The following ZNF396 variants were observed in gnomAD, a reference collection of about 807,000 sequenced individuals.
The protein encoded by ZNF396 is zinc finger protein 396, also known as zinc finger and SCAN domain-containing protein 14.
Under a neutral mutation model 20.5 loss-of-function variants are expected in ZNF396, and 14 were observed. The ratio of observed to expected loss-of-function variants is 0.68; its 90% CI spans 0.45 to 1.07. ZNF396 has a LOEUF of 1.07. ZNF396 is among the 50% of genes least tolerant of loss of function. The pLI is 0.00. For missense variants in ZNF396, 347 were observed against 390.1 expected, an observed-to-expected ratio of 0.89 and a Z score of 0.93; for synonymous variants, 119 against 140.6, an observed-to-expected ratio of 0.85 and a Z score of 1.08.
chr18:35,368,397 A>C lies in ZNF396; in HGVS notation c.*818T>G, dbSNP rs1177838003. 2.7e-6 allele frequency: 4 copies of C among 1,461,466 alleles called. No individual in the cohort carries two copies. The highest frequency in any genetic ancestry group is 3.6e-6 in the Non-Finnish European group (4 of 1,099,594). The allele number at this position is 1,461,466 out of a possible 1,614,324, so 90.5% of individuals were successfully genotyped here. Reference sequence around the variant, plus strand: ...CCTGGGGCACTTCAGCCTAGTCTTGAAGTACATATTCTTTTGGGCCTCTGC... The same window carrying C: ...CCTGGGGCACTTCAGCCTAGTCTTGCAGTACATATTCTTTTGGGCCTCTGC... On this transcript the variant is annotated 3_prime_UTR_variant, in exon 4 of 4. Coordinates refer to ENST00000589332, the MANE Select transcript of ZNF396 (RefSeq NM_001322286.2).
chr18:35,368,352 T>C lies in ZNF396; in HGVS notation c.*863A>G. ...GCTTTCATAAGATAAGGCCTTTATT[T>C]ATCTGCCTCCTGAAAGTGACCTGGG... is the stretch of plus-strand genomic sequence containing the variant. On this transcript the variant is annotated 3_prime_UTR_variant, in exon 4 of 4. Transcript: ENST00000589332. 1.4e-6 allele frequency: 2 copies of C among 1,439,744 alleles called. No individual in the cohort carries two copies. Among genetic ancestry groups the C allele is most frequent in the Non-Finnish European group, 1.8e-6 (2 of 1,091,550 alleles). 89.2% of individuals were successfully genotyped at this position (1,439,744 alleles called of 1,614,324 possible). A position where few individuals can be genotyped will look rare whatever the true frequency, so the allele number is the denominator to read the frequency against.
chr18:35,369,367 T>C lies in ZNF396; in HGVS notation c.856A>G (p.Lys286Glu), dbSNP rs1256219929. The change falls in exon 4 of 4, where the codon AAG becomes GAG. Residue 286 changes from lysine (K) to glutamate (E), a missense_variant. Physicochemically the swap from Lys to Glu is moderately conservative, Grantham distance 56 (BLOSUM62 1). Transcript: ENST00000589332. ...AGAATTGCGCTTCGGCTGAATGCCT[T>C]TGCACACTCGTCACATGCATAAGGT... ...KKPYACDECAKAFSRSAILIQ... is the reference protein window; with the variant it reads ...KKPYACDECAEAFSRSAILIQ... The C allele has an allele frequency of 3.7e-6, 6 of 1,614,232 alleles. No individual in the cohort carries two copies. Among genetic ancestry groups the C allele is most frequent in the Non-Finnish European group, 5.1e-6 (6 of 1,180,040 alleles).
At position 35,369,437 on chromosome 18, in the gene ZNF396, C is replaced by T. The variant is rs1243452882; in HGVS notation, c.786G>A (p.Gln262=). The part of the protein sequence containing the change: ...KCDECGKIFS[Q]SSALILHQRI... ...TCTGATGTAAAATAAGGGCTGAGCTCTGACTAAAGATTTTGCCACATTCAT... is the reference window on the plus strand; with the variant it reads ...TCTGATGTAAAATAAGGGCTGAGCTTTGACTAAAGATTTTGCCACATTCAT... The change falls in exon 4 of 4, where the codon CAG becomes CAA. Residue 262 remains glutamine (Q), a synonymous_variant. Transcript: ENST00000589332. The T allele has an allele frequency of 6.2e-7, 1 of 1,614,238 alleles. No individual in the cohort carries two copies. Among genetic ancestry groups the T allele is most frequent in the East Asian group, 2.2e-5 (1 of 44,892 alleles).
intron 3 of ZNF396, among the ~76,000 whole-genome samples, chr18:35,370,649 A>C (rs1351766040): frequency 6.7e-6 from 1 of 148,876 alleles, no homozygotes; most frequent in Non-Finnish European, 1.5e-5. Context: ...AGTAGCTGGG[A>C]CTACAGGCGC....
rs764252737 is a variant in ZNF396 at position 35,369,167 on chromosome 18, C to T, written c.*48G>A. The T allele has an allele frequency of 3.0e-5, 45 of 1,480,612 alleles. No individual in the cohort carries two copies. The African/African-American group carries it at 5.5e-4, about 18-fold the overall frequency. The allele number at this position is 1,480,612 out of a possible 1,614,324, so 91.7% of individuals were successfully genotyped here. On this transcript the variant is annotated 3_prime_UTR_variant, in exon 4 of 4. Transcript: ENST00000589332. ...GGAGCGTTTGCATCTGGTGTCTTCC[C>T]TTGTGCTGAAATAGCTCTGAGTAAA... is the stretch of plus-strand genomic sequence containing the variant.
chr18:35,369,704 T>G (rs1216658981), intron 3 of ZNF396, 44 bp from the exon 4 acceptor site: 1 of 1,530,266 alleles, frequency 6.5e-7, no homozygotes, highest in East Asian at 2.2e-5. Context: ...GAAAGGATGA[T>G]CCAAATGAAA....
Position 35,369,110 on chromosome 18 carries a change from T to G in ZNF396, c.*105A>C, listed in dbSNP as rs1330183912. ...GCTTTCATGAGTCTTGAAAGGAGAC[T>G]GGTGCTTACTAAGACCACTGATTTG... On this transcript the variant is annotated 3_prime_UTR_variant, in exon 4 of 4. Coordinates refer to ENST00000589332, the MANE Select transcript of ZNF396 (RefSeq NM_001322286.2). The G allele has an allele frequency of 2.4e-5, 34 of 1,442,298 alleles. No individual in the cohort carries two copies. The highest frequency in any genetic ancestry group is 3.0e-5 in the Non-Finnish European group (33 of 1,099,970). The allele number at this position is 1,442,298 out of a possible 1,614,324, so 89.3% of individuals were successfully genotyped here. A position where few individuals can be genotyped will look rare whatever the true frequency, so the allele number is the denominator to read the frequency against.
Position 35,368,882 on chromosome 18 carries a change from C to T in ZNF396, c.*333G>A, listed in dbSNP as rs375753299. The T allele has an allele frequency of 1.3e-4, 137 of 1,040,362 alleles. 1 individual carries two copies. The African/African-American group carries it at 2.1e-3, about 16-fold the overall frequency. 64.4% of individuals were successfully genotyped at this position (1,040,362 alleles called of 1,614,324 possible). On this transcript the variant is annotated 3_prime_UTR_variant, in exon 4 of 4. Transcript: ENST00000589332. The stretch of plus-strand genomic sequence containing the variant: ...CCTTCTCAATGAGGGAAAAAACATA[C>T]TTGTCTAAAAAGATATATACTAATT...
chr18:35,374,052 G>A lies in ZNF396; in HGVS notation c.241C>T (p.Leu81=). Reference sequence around the variant, plus strand: ...TCCTTGGTGTGCACTTCCGGCCTCAGCCAGAGATGACAAAGTTCCCAGAGC... The same window carrying A: ...TCCTTGGTGTGCACTTCCGGCCTCAACCAGAGATGACAAAGTTCCCAGAGC... ...SRLWELCHLW[L]RPEVHTKEQI... is the part of the protein sequence containing the mutation. The change falls in exon 2 of 4, where the codon CTG becomes TTG. Residue 81 remains leucine, a synonymous_variant. Coordinates refer to ENST00000589332, the MANE Select transcript of ZNF396 (RefSeq NM_001322286.2). The surrounding 1 kb of genome is among the most constrained non-coding windows in gnomAD (Gnocchi z 4.3). 1 of 1,614,228 alleles carries A rather than the reference G, an allele frequency of 6.2e-7. No homozygotes were observed. Among genetic ancestry groups the A allele is most frequent in the African/African-American group, 1.3e-5 (1 of 75,064 alleles).
In ZNF396 at chr18:35,369,182, C is replaced by T. The variant is rs1341135843; in HGVS notation, c.*33G>A. 9.3e-6 allele frequency: 14 copies of T among 1,500,092 alleles called. No homozygotes were observed. The highest frequency in any genetic ancestry group is 2.8e-5 in the African/African-American group (2 of 70,940). The allele number at this position is 1,500,092 out of a possible 1,614,324, so 92.9% of individuals were successfully genotyped here. ...GGTGTCTTCCCTTGTGCTGAAATAG[C>T]TCTGAGTAAATGCTTTGATTCCCTC... On this transcript the variant is annotated 3_prime_UTR_variant, in exon 4 of 4. Transcript: ENST00000589332.
In ZNF396 at chr18:35,373,504, T is replaced by G. The variant is rs560556722; in HGVS notation, c.514A>C (p.Lys172Gln). Reference sequence around the variant, plus strand: ...TCCCATGATGCTCCCTGGAGCTGCTTCTTCACGGGCATGAGCTGGCTACTT... The same window carrying G: ...TCCCATGATGCTCCCTGGAGCTGCTGCTTCACGGGCATGAGCTGGCTACTT... ...LPSSQLMPVK[K>Q]QLQGASWELQ... Residue 172 changes from lysine to glutamine, a missense_variant, in exon 3 of 4, where the codon AAG becomes CAG. Physicochemically the swap from Lys to Gln is moderately conservative, Grantham distance 53. Transcript: ENST00000589332. The G allele has an allele frequency of 8.2e-5, 132 of 1,614,160 alleles. 2 individuals are homozygous for G. In the South Asian group the frequency reaches 1.3e-3, roughly 16 times the overall value.
Position 35,374,436 on chromosome 18 carries a change from AT to A in ZNF396, c.-72-73del. On this transcript the variant is annotated intron_variant, in intron 1 of 3. Coordinates refer to ENST00000589332, the MANE Select transcript of ZNF396 (RefSeq NM_001322286.2). This position sits in a 1 kb window ranked among gnomAD's most constrained non-coding sequence, Gnocchi z 4.3. ...TGCTTCTTAGAACAAAACAACTAAGATTAGAAACATAAGACTGTATAGGAAC... is the reference window on the plus strand; with the variant it reads ...TGCTTCTTAGAACAAAACAACTAAGATAGAAACATAAGACTGTATAGGAAC... 1.4e-6 allele frequency: 1 copy of A among 735,568 alleles called. No homozygotes were observed. Among genetic ancestry groups the A allele is most frequent in the Non-Finnish European group, 2.2e-6 (1 of 460,530 alleles). 45.6% of individuals were successfully genotyped at this position (735,568 alleles called of 1,614,324 possible).
At chr18:35,375,308 AAAC>A (rs71381554) in intron 1 of ZNF396, among the ~76,000 whole-genome samples, 1 of 145,476 alleles carries the variant, frequency 6.9e-6, no homozygotes, top group Non-Finnish European at 1.5e-5. Flanking sequence ...AAAAAAGAAA[AAAC>A]AACAAAAAAG....
chr18:35,376,403 T>C (rs2143920141), intron 1 of ZNF396: 1 of 152,370 alleles, frequency 6.6e-6, no homozygotes, highest in African/African-American at 2.4e-5. Context: ...TACCCCCATG[T>C]TGTAGACGGG....
At chr18:35,369,736 T>G in intron 3 of ZNF396, 76 bp from the exon 4 acceptor site, 2 of 1,392,528 alleles carry the variant, frequency 1.4e-6, no homozygotes, top group Non-Finnish European at 1.9e-6. Flanking sequence ...ATTGCTAGCA[T>G]GTTTATAAAA....
chr18:35,369,131 A>T lies in ZNF396; in HGVS notation c.*84T>A, dbSNP rs1390829128. Reference sequence around the variant, plus strand: ...AGACTGGTGCTTACTAAGACCACTGATTTGTACTAAGGAGCGTTTGCATCT... The same window carrying T: ...AGACTGGTGCTTACTAAGACCACTGTTTTGTACTAAGGAGCGTTTGCATCT... On this transcript the variant is annotated 3_prime_UTR_variant, in exon 4 of 4. Transcript: ENST00000589332. The T allele has an allele frequency of 6.9e-7, 1 of 1,456,120 alleles. No homozygotes were observed. Among genetic ancestry groups the T allele is most frequent in the Non-Finnish European group, 9.0e-7 (1 of 1,106,210 alleles). The allele number at this position is 1,456,120 out of a possible 1,614,324, so 90.2% of individuals were successfully genotyped here.
In ZNF396 at chr18:35,368,665, T is replaced by C; in HGVS notation, c.*550A>G. ...CGGGGTTTCGCCGTGTTGTCCAGGC[T>C]GGTCTTGAACTCCTGAGTTCAGGCA... On this transcript the variant is annotated 3_prime_UTR_variant, in exon 4 of 4. Transcript: ENST00000589332. The C allele has an allele frequency of 2.6e-6, 2 of 767,368 alleles. No homozygotes were observed. Among genetic ancestry groups the C allele is most frequent in the Non-Finnish European group, 3.2e-6 (2 of 629,600 alleles). The allele number at this position is 767,368 out of a possible 1,614,324, so 47.5% of individuals were successfully genotyped here.
intron 1 of ZNF396, chr18:35,376,130 C>G (rs1373406218): frequency 6.6e-6 from 1 of 152,100 alleles, no homozygotes; most frequent in African/African-American, 2.4e-5. Context: ...ATCTTACGTG[C>G]GCCTCCGTCT....
chr18:35,376,791 A>G (rs993260853), intron 1 of ZNF396, among the ~76,000 whole-genome samples: 2 of 152,176 alleles, frequency 1.3e-5, no homozygotes, highest in African/African-American at 2.4e-5. Flanking sequence ...AGGTGAGGGT[A>G]AGGAACCCCC....
Sources: allele counts gnomAD v4.1 joint callset (sites outside exome capture counted in the v4.1 genomes callset), GRCh38; gene constraint gnomAD v4.1.1; non-coding constraint Gnocchi (gnomAD v3.1); transcripts MANE v1.5; gene names NCBI Gene and HGNC (gene_info 2026-07-23, HGNC 2026-07-21).